Variants in CNTN6 observed in about 807,000 individuals in gnomAD.
CNTN6 encodes contactin-6.
In CNTN6, 137 loss-of-function variants were observed where a neutral mutation model predicts 122.8. That is an observed-to-expected ratio of 1.12 (90% confidence interval 0.97 to 1.29). The LOEUF (loss-of-function observed/expected upper bound fraction) is 1.29, where lower values mean the gene tolerates loss of function less well. Among genes scored for constraint, CNTN6 ranks in the 50% most tolerant of loss-of-function variants. CNTN6 has a pLI of 0.00. For synonymous variants in CNTN6, 570 were observed against 426.0 expected (o/e 1.34, Z -4.16); for missense variants, 1,634 against 1,223.4 (o/e 1.34, Z -5.01).
intron 2 of CNTN6, among the ~76,000 whole-genome samples, chr3:1,212,938 GA>G (rs977074687): frequency 6.6e-6 from 1 of 151,768 alleles, no homozygotes; most frequent in African/African-American, 2.4e-5. Flanking sequence ...AAATATAAAT[GA>G]AAAAAAGGAA....
At chr3:1,295,490 C>T in intron 5 of CNTN6, 111 bp from the exon 6 acceptor site, 3 of 821,766 alleles carry the variant, frequency 3.7e-6, no homozygotes, top group South Asian at 1.8e-5. Context: ...CAAATAGAGG[C>T]ACAATTTTCT....
chr3:1,279,430 C>G (rs1220161438), intron 5 of CNTN6, among the ~76,000 whole-genome samples: 1 of 152,168 alleles, frequency 6.6e-6, no homozygotes, highest in Non-Finnish European at 1.5e-5. Context: ...AGCACAGACC[C>G]AAGGACTTTA....
intron 4 of CNTN6, among the ~76,000 whole-genome samples, chr3:1,249,009 G>T (rs946364360): frequency 1.3e-5 from 2 of 152,200 alleles, no homozygotes; most frequent in Admixed American, 6.5e-5. Context: ...TTCTGATTCA[G>T]TAGGTCTAAA....
At chr3:1,259,915 G>A (rs985402123) in intron 4 of CNTN6, among the ~76,000 whole-genome samples, 12 of 152,010 alleles carry the variant, frequency 7.9e-5, no homozygotes, top group Non-Finnish European at 1.3e-4. Flanking sequence ...TTTATTTAGA[G>A]GAATAAAGAA....
At chr3:1,391,668 C>A (rs1332102602) in intron 20 of CNTN6, among the ~76,000 whole-genome samples, 38 of 151,112 alleles carry the variant, frequency 2.5e-4, no homozygotes, top group Non-Finnish European at 4.9e-4. Context: ...ATTGTCTCAG[C>A]CCAAAATCTC....
intron 5 of CNTN6, among the ~76,000 whole-genome samples, chr3:1,288,885 C>G (rs1319272401): frequency 2.0e-5 from 3 of 152,230 alleles, no homozygotes; most frequent in African/African-American, 4.8e-5. Flanking sequence ...CAGATAGAGT[C>G]TTCAATTGCT....
intron 20 of CNTN6, among the ~76,000 whole-genome samples, chr3:1,389,592 A>C (rs530705244): frequency 1.3e-5 from 2 of 152,218 alleles, no homozygotes; most frequent in African/African-American, 4.8e-5. Flanking sequence ...AATGGACTAA[A>C]TGCTCTAATT....
chr3:1,345,373 C>T (rs61456930), intron 11 of CNTN6, among the ~76,000 whole-genome samples: 1 of 152,050 alleles, frequency 6.6e-6, no homozygotes, highest in East Asian at 1.9e-4. Flanking sequence ...ACCCTGGCCT[C>T]CCAGTGTGCT....
intron 16 of CNTN6, among the ~76,000 whole-genome samples, chr3:1,376,341 CA>C (rs1476177534): frequency 6.6e-6 from 1 of 151,938 alleles, no homozygotes; most frequent in Non-Finnish European, 1.5e-5. Flanking sequence ...TAAAACTCAT[CA>C]AAATTACTGG....
intron 4 of CNTN6, among the ~76,000 whole-genome samples, chr3:1,251,252 G>A (rs1233206632): frequency 2.0e-5 from 3 of 152,058 alleles, no homozygotes; most frequent in Admixed American, 2.0e-4. Context: ...CTTTGTCAAT[G>A]TCTAAAGTTG....
chr3:1,250,667 T>C (rs552220474), intron 4 of CNTN6, among the ~76,000 whole-genome samples: 1 of 152,242 alleles, frequency 6.6e-6, no homozygotes, highest in East Asian at 1.9e-4. Context: ...CTGAACCCAC[T>C]TCCCAATCCT....
At chr3:1,149,498 GA>G (rs558579871) in intron 2 of CNTN6, among the ~76,000 whole-genome samples, 84 of 152,264 alleles carry the variant, frequency 5.5e-4, no homozygotes, top group African/African-American at 1.9e-3. Flanking sequence ...AAATGAATGA[GA>G]ATGCTAAAAT....
At chr3:1,235,555 T>C (rs1351318110) in intron 4 of CNTN6, among the ~76,000 whole-genome samples, 1 of 152,092 alleles carries the variant, frequency 6.6e-6, no homozygotes, top group Non-Finnish European at 1.5e-5. Context: ...ATTCAGGTGT[T>C]TAAATAGCAA....
chr3:1,272,101 C>T (rs972215722), intron 4 of CNTN6, among the ~76,000 whole-genome samples: 8 of 152,168 alleles, frequency 5.3e-5, no homozygotes, highest in East Asian at 1.9e-4. Context: ...TCTTGCCTGC[C>T]GCCATGTAAG....
chr3:1,196,377 A>T (rs1380045257), intron 2 of CNTN6, among the ~76,000 whole-genome samples: 2 of 152,194 alleles, frequency 1.3e-5, no homozygotes, highest in Non-Finnish European at 2.9e-5. Flanking sequence ...GACCTCAGCA[A>T]ATGGCTTAAC....
chr3:1,131,930 C>A (rs538641812), intron 1 of CNTN6, among the ~76,000 whole-genome samples: 6 of 151,960 alleles, frequency 3.9e-5, no homozygotes, highest in African/African-American at 1.2e-4. Flanking sequence ...AAAGGCAGGT[C>A]CCCAGGAGGC....
At chr3:1,318,258 G>A (rs1354954789) in intron 7 of CNTN6, among the ~76,000 whole-genome samples, 2 of 151,558 alleles carry the variant, frequency 1.3e-5, no homozygotes, top group African/African-American at 2.4e-5. Context: ...GCTCTGCAGA[G>A]CAATAAGTTC....
chr3:1,161,819 G>C (rs1411426603), intron 2 of CNTN6, among the ~76,000 whole-genome samples: 1 of 150,104 alleles, frequency 6.7e-6, no homozygotes, highest in South Asian at 2.1e-4. Flanking sequence ...TATATGTTCT[G>C]TACATGTATA....
chr3:1,400,942 A>G (rs1462701904), intron 20 of CNTN6, among the ~76,000 whole-genome samples: 1 of 152,164 alleles, frequency 6.6e-6, no homozygotes, highest in Non-Finnish European at 1.5e-5. Flanking sequence ...ATAATTTACT[A>G]CAAATATTTT....
Sources: gnomAD v4.1 joint callset for allele counts (sites outside exome capture counted in the v4.1 genomes callset) on GRCh38, gnomAD v4.1.1 for gene constraint, MANE v1.5 for transcripts, NCBI Gene and HGNC (gene_info 2026-07-23, HGNC 2026-07-21) for gene names.